Variants in NRXN3 observed in about 807,000 individuals in gnomAD.
NRXN3 encodes the protein neurexin 3.
In NRXN3, 32 loss-of-function variants were observed where a neutral mutation model predicts 137.6. The observed-to-expected ratio is 0.23, with a 90% confidence interval of 0.18 to 0.31. NRXN3 has a LOEUF of 0.31. NRXN3 is among the 10% of genes least tolerant of loss of function. The pLI is 1.00. For missense variants in NRXN3, 1,574 were observed against 2,062.5 expected (o/e 0.76, Z 4.59); for synonymous variants, 798 against 784.5 (o/e 1.02, Z -0.29).
intron 4 of NRXN3, among the ~76,000 whole-genome samples, chr14:78,518,826 G>A (rs2096248128): frequency 6.6e-6 from 1 of 152,022 alleles, no homozygotes; most frequent in South Asian, 2.1e-4. Flanking sequence ...GCATACCCCA[G>A]AACAAAGAAC....
At chr14:78,512,629 T>C (rs2096129934) in intron 4 of NRXN3, among the ~76,000 whole-genome samples, 1 of 152,152 alleles carries the variant, frequency 6.6e-6, no homozygotes, top group South Asian at 2.1e-4. Flanking sequence ...GGCAAGTTCT[T>C]TGGGACAGGC....
At chr14:78,593,624 C>A (rs1235781823) in intron 4 of NRXN3, among the ~76,000 whole-genome samples, 1 of 152,140 alleles carries the variant, frequency 6.6e-6, no homozygotes, top group African/African-American at 2.4e-5. Flanking sequence ...TACTTGTCTT[C>A]ACTCTTCTGT....
intron 8 of NRXN3, among the ~76,000 whole-genome samples, chr14:78,771,054 C>G (rs1189002173): frequency 6.6e-6 from 1 of 152,178 alleles, no homozygotes; most frequent in Non-Finnish European, 1.5e-5. Context: ...TTATTTTAGT[C>G]TCCTGGACTC....
intron 16 of NRXN3, among the ~76,000 whole-genome samples, chr14:79,626,407 CT>C (rs1308848922): frequency 3.5e-3 from 494 of 140,666 alleles, no homozygotes; most frequent in Middle Eastern, 3.7e-3. Context: ...TAGTCATTTT[CT>C]TTTTTTTTTT....
chr14:78,812,499 C>T (rs927390049), intron 10 of NRXN3, among the ~76,000 whole-genome samples: 1 of 152,126 alleles, frequency 6.6e-6, no homozygotes, highest in African/African-American at 2.4e-5. Flanking sequence ...ATCAGGATAT[C>T]AGAATTTGCT....
intron 4 of NRXN3, among the ~76,000 whole-genome samples, chr14:78,629,645 A>G (rs2097501288): frequency 6.6e-6 from 1 of 152,236 alleles, no homozygotes; most frequent in Admixed American, 6.5e-5. Flanking sequence ...TATAATACAG[A>G]GGACACTTGT....
rs1373760140 is a variant in NRXN3 at position 78,243,635 on chromosome 14, A to G, written c.542A>G (p.Tyr181Cys). 6 of 1,598,272 alleles carry G rather than the reference A, an allele frequency of 3.8e-6. No individual in the cohort carries two copies. Among genetic ancestry groups the G allele is most frequent in the Non-Finnish European group, 5.1e-6 (6 of 1,179,820 alleles). The change falls in exon 2 of 21, where the codon TAT (tyrosine) becomes TGT (cysteine). Residue 181 changes from tyrosine (Y) to cysteine (C), a missense_variant. Around this residue, in one of 5 missense-constraint regions of NRXN3, gnomAD observed 400 missense variants for 527.3 expected, o/e 0.76. Transcript: ENST00000335750. This position sits in a 1 kb window ranked among gnomAD's most constrained non-coding sequence, Gnocchi z 4.2. The part of the protein sequence containing the change: ...GFKGLILDLK[Y>C]GNSEPRLLGS... ...AAGGGGTTAATTCTGGATCTCAAGT[A>G]TGGAAACTCGGAGCCTCGGCTTCTG... is the stretch of plus-strand genomic sequence containing the variant.
At chr14:78,290,940 A>T (rs2075748661) in intron 3 of NRXN3, among the ~76,000 whole-genome samples, 1 of 152,224 alleles carries the variant, frequency 6.6e-6, no homozygotes, top group East Asian at 1.9e-4. Context: ...GCTTTATGCC[A>T]CTAGATAACT....
In NRXN3 at chr14:79,633,794, T is replaced by A. The variant is rs572680890; in HGVS notation, c.3445-29984T>A. On this transcript the variant is annotated intron_variant, in intron 16 of 20. Coordinates refer to ENST00000335750, the MANE Select transcript of NRXN3 (RefSeq NM_001330195.2). ...GCCAGCTGATGTTCTTCTTGCCTCC[T>A]GGAAAGATAGAGCCAGAAGTCTTCC... Among the ~76,000 whole-genome samples, 9 of 152,312 alleles carry A rather than the reference T, an allele frequency of 5.9e-5. 1 individual carries two copies. Among genetic ancestry groups the A allele is most frequent in the Admixed American group, 5.9e-4 (9 of 15,304 alleles).
chr14:79,269,799 GA>G (rs202155453), intron 15 of NRXN3, among the ~76,000 whole-genome samples: 6 of 150,636 alleles, frequency 4.0e-5, no homozygotes, highest in East Asian at 3.9e-4. Flanking sequence ...TGCTAGTGGA[GA>G]AAAAAAAATG....
chr14:79,701,378 T>C (rs1399973063), intron 19 of NRXN3, among the ~76,000 whole-genome samples: 1 of 152,124 alleles, frequency 6.6e-6, no homozygotes, highest in East Asian at 1.9e-4. Context: ...AAGGCAATTC[T>C]TCTGTGCCAT....
chr14:79,508,109 G>A (rs1244723978), intron 16 of NRXN3, among the ~76,000 whole-genome samples: 1 of 152,026 alleles, frequency 6.6e-6, no homozygotes, highest in Non-Finnish European at 1.5e-5. Context: ...ATGACCTTGA[G>A]CAAATCACTG....
At position 79,585,254 on chromosome 14, in the gene NRXN3, C is replaced by A. The variant is rs2097755824; in HGVS notation, c.3445-78524C>A. 2.0e-5 allele frequency among the ~76,000 whole-genome samples: 3 copies of A among 152,152 alleles called. No individual in the cohort carries two copies. The South Asian group carries it at 6.2e-4, about 32-fold the overall frequency. The stretch of plus-strand genomic sequence containing the variant: ...GAAAGAAGTTTAGTAGACTCATAAC[C>A]AGAAAGATCTTTGTCTTCACCTGGC... On this transcript the variant is annotated intron_variant, in intron 16 of 20. Transcript: ENST00000335750.
At chr14:78,747,882 T>C (rs1026515818) in intron 8 of NRXN3, among the ~76,000 whole-genome samples, 3 of 152,194 alleles carry the variant, frequency 2.0e-5, no homozygotes, top group Non-Finnish European at 4.4e-5. Flanking sequence ...ATCTAAAGCT[T>C]TTGTGCATTA....
At chr14:78,730,112 C>T (rs551201157) in intron 8 of NRXN3, among the ~76,000 whole-genome samples, 1 of 152,226 alleles carries the variant, frequency 6.6e-6, no homozygotes, top group South Asian at 2.1e-4. Flanking sequence ...AGCAACTATT[C>T]CTGTAACTCA....
intron 8 of NRXN3, among the ~76,000 whole-genome samples, chr14:78,725,915 C>CTAT (rs2098481029): frequency 6.6e-6 from 1 of 152,144 alleles, no homozygotes; most frequent in South Asian, 2.1e-4. Context: ...AAGATATGTG[C>CTAT]TATTTTCATT....
Position 79,863,429 on chromosome 14 carries a change from A to AAAT in NRXN3, c.*1467_*1469dup, listed in dbSNP as rs531212625. 5.9e-5 allele frequency: 9 copies of AAAT among 152,360 alleles called. No individual in the cohort carries two copies. In the East Asian group the frequency reaches 1.4e-3, roughly 23 times the overall value. 9.4% of individuals were successfully genotyped at this position (152,360 alleles called of 1,614,324 possible). On this transcript the variant is annotated 3_prime_UTR_variant, in exon 21 of 21. Transcript: ENST00000335750. ...GGAATGAGAATGTTGTTTTAAAAGAAAATAGCAAAACAACAAAAAAGCAAA... is the reference window on the plus strand; with the variant it reads ...GGAATGAGAATGTTGTTTTAAAAGAAAATAATAGCAAAACAACAAAAAAGCAAA...
chr14:78,387,102 G>A (rs2090083411), intron 4 of NRXN3, among the ~76,000 whole-genome samples: 1 of 151,862 alleles, frequency 6.6e-6, no homozygotes, highest in Non-Finnish European at 1.5e-5. Context: ...TTGTTTTTGA[G>A]GTTATCTGCA....
At chr14:78,485,755 G>C (rs2095550556) in intron 4 of NRXN3, among the ~76,000 whole-genome samples, 1 of 151,880 alleles carries the variant, frequency 6.6e-6, no homozygotes, top group South Asian at 2.1e-4. Flanking sequence ...TTAGATTATT[G>C]GCAAAGCAAA....
Sources: allele counts gnomAD v4.1 joint callset (sites outside exome capture counted in the v4.1 genomes callset), GRCh38; gene constraint gnomAD v4.1.1; regional missense constraint gnomAD v4.1.1; non-coding constraint Gnocchi (gnomAD v3.1); transcripts MANE v1.5; gene names NCBI Gene and HGNC (gene_info 2026-07-23, HGNC 2026-07-21).